The following NKAIN2 variants were observed in gnomAD, a reference collection of about 807,000 sequenced individuals.
NKAIN2 encodes sodium/potassium transporting ATPase interacting 2.
In NKAIN2, 14 loss-of-function variants were observed where a neutral mutation model predicts 32.6. That is an observed-to-expected ratio of 0.43 (90% CI 0.28 to 0.67). NKAIN2 has a LOEUF of 0.67. Among genes scored for constraint, NKAIN2 ranks in the 30% least tolerant of loss-of-function variants. The probability of loss-of-function intolerance (pLI) is 0.17; values close to 1 mark genes in which losing one functional copy is unlikely to be tolerated. For synonymous variants in NKAIN2, 80 were observed against 87.2 expected (o/e 0.92, Z 0.46); for missense variants, 198 against 258.3 (o/e 0.77, Z 1.60).
chr6:124,670,643 TTCTGTGTG>T (rs1434795021), intron 4 of NKAIN2, among the ~76,000 whole-genome samples: 90 of 102,260 alleles, frequency 8.8e-4, no homozygotes, highest in Admixed American at 6.1e-3. Flanking sequence ...AATCTTTGCT[TTCTGTGTG>T]TGTGTGTGTG....
At chr6:124,265,529 A>G (rs1794455442) in intron 1 of NKAIN2, among the ~76,000 whole-genome samples, 1 of 152,190 alleles carries the variant, frequency 6.6e-6, no homozygotes, top group Non-Finnish European at 1.5e-5. Flanking sequence ...TTGGCAATTT[A>G]TTTTGTAATA....
chr6:124,245,251 A>T (rs1250293822), intron 1 of NKAIN2, among the ~76,000 whole-genome samples: 2 of 152,094 alleles, frequency 1.3e-5, no homozygotes, highest in Admixed American at 1.3e-4. Flanking sequence ...GCTCATACAC[A>T]TCACATTTTA....
intron 3 of NKAIN2, among the ~76,000 whole-genome samples, chr6:124,474,984 T>C: frequency 6.7e-6 from 1 of 149,942 alleles, no homozygotes; most frequent in Non-Finnish European, 1.5e-5. Flanking sequence ...CGCATGCATA[T>C]ATATATATGT....
chr6:124,693,331 A>T (rs1774350012), intron 4 of NKAIN2, among the ~76,000 whole-genome samples: 1 of 152,192 alleles, frequency 6.6e-6, no homozygotes, highest in Non-Finnish European at 1.5e-5. Context: ...TCTAGGAGTG[A>T]TAGGCTATAC....
intron 3 of NKAIN2, among the ~76,000 whole-genome samples, chr6:124,511,080 T>G (rs2114773134): frequency 6.6e-6 from 1 of 152,190 alleles, no homozygotes; most frequent in South Asian, 2.1e-4. Flanking sequence ...TTCAAATGAG[T>G]CACAACCAGC....
At chr6:124,412,085 A>AT (rs59946305) in intron 3 of NKAIN2, among the ~76,000 whole-genome samples, 2 of 151,476 alleles carry the variant, frequency 1.3e-5, no homozygotes, top group African/African-American at 2.4e-5. Flanking sequence ...CGTTCATCTA[A>AT]TTTTTTTTCA....
At chr6:124,420,603 C>T (rs1239860169) in intron 3 of NKAIN2, among the ~76,000 whole-genome samples, 3 of 151,994 alleles carry the variant, frequency 2.0e-5, no homozygotes, top group African/African-American at 4.8e-5. Context: ...CACAGTAAAA[C>T]GATTAACAGT....
chr6:124,463,375 T>C (rs1292482640), intron 3 of NKAIN2, among the ~76,000 whole-genome samples: 2 of 152,104 alleles, frequency 1.3e-5, no homozygotes, highest in Non-Finnish European at 2.9e-5. Flanking sequence ...TGGTTGCCTT[T>C]GGATCCCTTA....
At chr6:124,364,295 C>A (rs1799426066) in intron 3 of NKAIN2, among the ~76,000 whole-genome samples, 1 of 145,404 alleles carries the variant, frequency 6.9e-6, no homozygotes. Context: ...ACAAAAGATT[C>A]AATATGCACA....
chr6:124,686,443 A>T (rs1227025517), intron 4 of NKAIN2, among the ~76,000 whole-genome samples: 1 of 152,048 alleles, frequency 6.6e-6, no homozygotes, highest in Admixed American at 6.6e-5. Context: ...ACCCGACATG[A>T]CCAGAGCAGG....
At chr6:124,479,184 G>A (rs566230543) in intron 3 of NKAIN2, among the ~76,000 whole-genome samples, 1 of 152,084 alleles carries the variant, frequency 6.6e-6, no homozygotes, top group South Asian at 2.1e-4. Context: ...ACTAAATGTG[G>A]TATCATGGAT....
chr6:124,474,479 T>C (rs1469659993), intron 3 of NKAIN2, among the ~76,000 whole-genome samples: 1 of 152,090 alleles, frequency 6.6e-6, no homozygotes, highest in African/African-American at 2.4e-5. Context: ...TTCTGCACTT[T>C]AAGTATTACT....
intron 1 of NKAIN2, among the ~76,000 whole-genome samples, chr6:123,868,081 G>C (rs1420929704): frequency 6.6e-6 from 1 of 152,034 alleles, no homozygotes; most frequent in East Asian, 1.9e-4. Context: ...TGTTAGCCAG[G>C]ATGGTCTTGA....
At chr6:124,032,797 A>ATG (rs1259205174) in intron 1 of NKAIN2, among the ~76,000 whole-genome samples, 4 of 152,126 alleles carry the variant, frequency 2.6e-5, no homozygotes, top group Non-Finnish European at 5.9e-5. Context: ...TGAAATATAT[A>ATG]TGTATTGATC....
Position 124,311,951 on chromosome 6 carries a change from A to G in NKAIN2, c.192+28809A>G, listed in dbSNP as rs545821030. ...TTACTCCCAATAACTACTAGTAAGT[A>G]GTGGTTAACAGGATTGACCACTGTT... On this transcript the variant is annotated intron_variant, in intron 2 of 6. Transcript: ENST00000368417. Among the ~76,000 whole-genome samples the G allele has an allele frequency of 2.6e-5, 4 of 152,312 alleles. No individual in the cohort carries two copies. In the East Asian group the frequency reaches 7.7e-4, roughly 29 times the overall value.
chr6:124,464,434 T>A (rs2114655538), intron 3 of NKAIN2, among the ~76,000 whole-genome samples: 1 of 152,102 alleles, frequency 6.6e-6, no homozygotes, highest in African/African-American at 2.4e-5. Context: ...TAAGCTTTTT[T>A]TTTTTCTGCC....
chr6:123,819,829 A>G (rs1039360380), intron 1 of NKAIN2, among the ~76,000 whole-genome samples: 1 of 152,232 alleles, frequency 6.6e-6, no homozygotes, highest in Non-Finnish European at 1.5e-5. Flanking sequence ...AAGCATGACC[A>G]GCACTACAGA....
chr6:124,370,320 A>G (rs752493246), intron 3 of NKAIN2, among the ~76,000 whole-genome samples: 17 of 152,020 alleles, frequency 1.1e-4, no homozygotes, highest in Admixed American at 6.6e-5. Context: ...CCGCCTCTTT[A>G]TAGGTTATAT....
intron 1 of NKAIN2, among the ~76,000 whole-genome samples, chr6:124,163,083 G>A (rs1042789467): frequency 1.3e-5 from 2 of 151,770 alleles, no homozygotes; most frequent in Non-Finnish European, 2.9e-5. Context: ...TCTTCATACT[G>A]TGAATATTGG....
Sources: allele counts gnomAD v4.1 joint callset (sites outside exome capture counted in the v4.1 genomes callset), GRCh38; gene constraint gnomAD v4.1.1; transcripts MANE v1.5; gene names NCBI Gene and HGNC (gene_info 2026-07-23, HGNC 2026-07-21).